Variants in SYT9 observed in about 807,000 individuals in gnomAD.
SYT9 encodes the protein synaptotagmin 9, also known as synaptotagmin-9.
A neutral mutation model predicts 48.4 loss-of-function variants in SYT9; 22 were observed. The ratio of observed to expected loss-of-function variants is 0.45; its 90% CI spans 0.32 to 0.65. The LOEUF (loss-of-function observed/expected upper bound fraction) is 0.65. Ranked by LOEUF, SYT9 falls within the 30% of genes least tolerant of loss-of-function variation. SYT9 has a pLI of 0.03. For synonymous variants in SYT9, 265 were observed against 245.0 expected (o/e 1.08, Z -0.76); for missense variants, 577 against 622.0 (o/e 0.93, Z 0.77).
intron 6 of SYT9, chr11:7,441,587 G>C (rs1379222445): frequency 6.6e-6 from 1 of 152,190 alleles, no homozygotes; most frequent in Non-Finnish European, 1.5e-5. Context: ...AGGAACACCA[G>C]TTCTTCCCAG....
chr11:7,258,869 C>G (rs944626359), intron 1 of SYT9, among the ~76,000 whole-genome samples: 1 of 152,028 alleles, frequency 6.6e-6, no homozygotes, highest in Admixed American at 6.5e-5. Context: ...TTACTTTCTA[C>G]TTTTTTGTAA....
chr11:7,246,064 G>A (rs11599979), intron 1 of SYT9, among the ~76,000 whole-genome samples: 9,884 of 151,234 alleles, frequency 0.065, 454 homozygotes, highest in Middle Eastern at 0.13. Context: ...TTTTTTTTCA[G>A]TTACCATCTT....
chr11:7,246,345 A>C (rs1431528067), intron 1 of SYT9, among the ~76,000 whole-genome samples: 1 of 152,146 alleles, frequency 6.6e-6, no homozygotes. Flanking sequence ...ATCATTGTTT[A>C]TTTCTCTATA....
intron 6 of SYT9, among the ~76,000 whole-genome samples, chr11:7,447,530 C>T (rs1847956673): frequency 6.6e-6 from 1 of 152,334 alleles, no homozygotes. Flanking sequence ...TTCCTTCGAA[C>T]TCAACATACA....
intron 3 of SYT9, among the ~76,000 whole-genome samples, chr11:7,411,992 G>A (rs1274362305): frequency 6.6e-6 from 1 of 151,908 alleles, no homozygotes; most frequent in East Asian, 1.9e-4. Context: ...TATTGTTGGA[G>A]GTTTTGACTG....
chr11:7,328,000 C>G (rs1849462932), intron 3 of SYT9, among the ~76,000 whole-genome samples: 1 of 133,412 alleles, frequency 7.5e-6, no homozygotes, highest in Admixed American at 7.6e-5. Context: ...TGCAGCGCAC[C>G]AGCATGGCAC....
chr11:7,351,252 T>C (rs1298495992), intron 3 of SYT9, among the ~76,000 whole-genome samples: 1 of 152,228 alleles, frequency 6.6e-6, no homozygotes, highest in Non-Finnish European at 1.5e-5. Context: ...AAGAGTATTA[T>C]CTGAATGTCG....
At chr11:7,412,903 A>C (rs1468508517) in intron 3 of SYT9, among the ~76,000 whole-genome samples, 1 of 152,200 alleles carries the variant, frequency 6.6e-6, no homozygotes, top group Non-Finnish European at 1.5e-5. Flanking sequence ...AAGAGTGCAC[A>C]TGTGCCAACA....
At chr11:7,356,290 T>C (rs1850018597) in intron 3 of SYT9, among the ~76,000 whole-genome samples, 1 of 152,242 alleles carries the variant, frequency 6.6e-6, no homozygotes, top group South Asian at 2.1e-4. Context: ...TCTCAAAATT[T>C]AATTTCAATA....
intron 3 of SYT9, among the ~76,000 whole-genome samples, chr11:7,413,278 C>A (rs1847174841): frequency 6.6e-6 from 1 of 152,198 alleles, no homozygotes; most frequent in Admixed American, 6.5e-5. Context: ...CTCATCTCCT[C>A]CCTGGCCTGG....
intron 3 of SYT9, among the ~76,000 whole-genome samples, chr11:7,363,080 G>C (rs1430749066): frequency 6.9e-6 from 1 of 143,912 alleles, no homozygotes; most frequent in Non-Finnish European, 1.5e-5. Context: ...ACCAGTGTCT[G>C]TAAATCTCAT....
intron 1 of SYT9, among the ~76,000 whole-genome samples, chr11:7,268,002 G>C (rs1848222084): frequency 6.6e-6 from 1 of 151,996 alleles, no homozygotes; most frequent in African/African-American, 2.4e-5. Context: ...AAACATCTCA[G>C]AGTGAGTATA....
At chr11:7,422,822 T>C (rs1320043) in intron 6 of SYT9, among the ~76,000 whole-genome samples, 81,841 of 152,038 alleles carry the variant, frequency 0.54, 23,449 homozygotes, top group Non-Finnish European at 0.64. Context: ...TATGCACGTG[T>C]TACACAAAGG....
intron 6 of SYT9, among the ~76,000 whole-genome samples, chr11:7,420,995 A>G (rs879658192): frequency 2.9e-4 from 44 of 152,192 alleles, no homozygotes; most frequent in Non-Finnish European, 5.4e-4. Flanking sequence ...CTGACTTTGG[A>G]AAAAACATAA....
chr11:7,357,560 A>G (rs1280905017), intron 3 of SYT9, among the ~76,000 whole-genome samples: 1 of 152,130 alleles, frequency 6.6e-6, no homozygotes, highest in African/African-American at 2.4e-5. Flanking sequence ...AAGCTTCCAT[A>G]TATGCATTTG....
intron 6 of SYT9, among the ~76,000 whole-genome samples, chr11:7,452,215 TTAAG>T (rs892374765): frequency 4.6e-5 from 7 of 151,920 alleles, no homozygotes; most frequent in Non-Finnish European, 8.8e-5. Context: ...TATAGTAATC[TTAAG>T]TAATTAACAT....
intron 1 of SYT9, among the ~76,000 whole-genome samples, chr11:7,260,970 A>C (rs571164822): frequency 3.9e-5 from 6 of 152,314 alleles, no homozygotes; most frequent in Admixed American, 2.0e-4. Context: ...GTGGATGTGC[A>C]CAGTCTGTTT....
upstream of SYT9, among the ~76,000 whole-genome samples, chr11:7,250,015 C>G (rs1438098085): frequency 6.6e-6 from 1 of 152,192 alleles, no homozygotes; most frequent in Non-Finnish European, 1.5e-5. Flanking sequence ...CCAATCTCCT[C>G]TTTCATTTCT....
chr11:7,385,549 C>G (rs551893269), intron 3 of SYT9, among the ~76,000 whole-genome samples: 93 of 152,142 alleles, frequency 6.1e-4, no homozygotes, highest in African/African-American at 2.1e-3. Context: ...CTGCTGGGTA[C>G]TATGCCTATT....
Sources: allele counts gnomAD v4.1 joint callset (sites outside exome capture counted in the v4.1 genomes callset), GRCh38; gene constraint gnomAD v4.1.1; transcripts MANE v1.5; gene names NCBI Gene and HGNC (gene_info 2026-07-23, HGNC 2026-07-21).